PXYLP1: variants seen among roughly 807,000 people sequenced by gnomAD.
PXYLP1 encodes acid phosphatase-like 2.
PXYLP1 carries 17 observed loss-of-function variants against 37.9 expected under a neutral mutation model. The observed-to-expected ratio is 0.45, with a 90% CI of 0.31 to 0.67. The LOEUF (loss-of-function observed/expected upper bound fraction) is 0.67, where lower values mean the gene tolerates loss of function less well. Ranked by LOEUF, PXYLP1 falls within the 30% of genes least tolerant of loss-of-function variation. PXYLP1 has a pLI of 0.07. For synonymous variants in PXYLP1, 221 were observed against 232.2 expected, an observed-to-expected ratio of 0.95 and a Z score of 0.44; for missense variants, 511 against 612.0, an observed-to-expected ratio of 0.84 and a Z score of 1.74.
chr3:141,260,285 G>A (rs371104231), intron 2 of PXYLP1, 31 bp downstream of exon 2: 3 of 1,608,212 alleles, frequency 1.9e-6, no homozygotes, highest in Non-Finnish European at 1.7e-6. Context: ...CAGGTCGTGG[G>A]AGGGTAGGGG....
intron 4 of PXYLP1, among the ~76,000 whole-genome samples, chr3:141,285,395 GC>G (rs1473541592): frequency 6.6e-6 from 1 of 151,558 alleles, no homozygotes; most frequent in African/African-American, 2.4e-5. Context: ...TCCCACCTCG[GC>G]CTCCCAAAAT....
In PXYLP1 at chr3:141,294,187, C is replaced by T. The variant is rs1349093099; in HGVS notation, c.*982C>T. On this transcript the variant is annotated 3_prime_UTR_variant, in exon 6 of 6. Coordinates refer to ENST00000286353, the MANE Select transcript of PXYLP1 (RefSeq NM_001037172.3). ...TTTTTATAGTTTAGGAAAATATTTTCTAAGACCAGTTTTAGATGACTCTTA... is the reference window on the plus strand; with the variant it reads ...TTTTTATAGTTTAGGAAAATATTTTTTAAGACCAGTTTTAGATGACTCTTA... 2.0e-5 allele frequency: 3 copies of T among 152,288 alleles called. No individual in the cohort carries two copies. The East Asian group carries it at 5.8e-4, about 29-fold the overall frequency. 9.4% of individuals were successfully genotyped at this position (152,288 alleles called of 1,614,324 possible).
intron 5 of PXYLP1, 52 bp downstream of exon 5, chr3:141,287,505 GC>G: frequency 6.3e-7 from 1 of 1,589,442 alleles, no homozygotes; most frequent in Non-Finnish European, 8.6e-7. Context: ...TCTTCTGCTT[GC>G]ATACCTTCCG....
rs758837854 is a variant in PXYLP1 at position 141,292,243 on chromosome 3, T to C, written c.506-25T>C. On this transcript the variant is annotated intron_variant, in intron 5 of 5. Transcript: ENST00000286353. The surrounding 1 kb of genome is among the most constrained non-coding windows in gnomAD (Gnocchi z 4.3). ...TTCTTTTGCTCAGCTGGAAGTAAGG[T>C]AAGCTTTGTGTGCTTGTGTTTCAGG... 1.3e-6 allele frequency: 2 copies of C among 1,555,962 alleles called. No homozygotes were observed. Among genetic ancestry groups the C allele is most frequent in the Admixed American group, 1.9e-5 (1 of 52,276 alleles).
intron 1 of PXYLP1, among the ~76,000 whole-genome samples, chr3:141,241,247 C>G (rs576910551): frequency 6.6e-6 from 1 of 152,294 alleles, no homozygotes; most frequent in Admixed American, 6.5e-5. Context: ...TTTAGTTTGT[C>G]GTAGGTTTCT....
In PXYLP1 at chr3:141,260,266, C is replaced by T. The variant is rs751685769; in HGVS notation, c.79+12C>T. 8.1e-6 allele frequency: 13 copies of T among 1,611,690 alleles called. No homozygotes were observed. Among genetic ancestry groups the T allele is most frequent in the Non-Finnish European group, 1.0e-5 (12 of 1,180,000 alleles). ...CAGCCTGCAGTTCTGTGAGTAGAGC[C>T]GGGCCCCGCAGGTCGTGGGAGGGTA... On this transcript the variant is annotated intron_variant, in intron 2 of 5. Transcript: ENST00000286353.
chr3:141,251,052 A>T (rs1202562055), intron 1 of PXYLP1, among the ~76,000 whole-genome samples: 2 of 152,254 alleles, frequency 1.3e-5, no homozygotes. Context: ...ACGCCTGTGC[A>T]CTTACTCATT....
At chr3:141,236,029 A>G (rs891781756) in intron 1 of PXYLP1, among the ~76,000 whole-genome samples, 3 of 152,156 alleles carry the variant, frequency 2.0e-5, no homozygotes, top group Admixed American at 6.5e-5. Context: ...GAAGAACTGG[A>G]TGGCGGCTTG....
At chr3:141,256,381 A>G (rs1941262791) in intron 1 of PXYLP1, among the ~76,000 whole-genome samples, 1 of 152,208 alleles carries the variant, frequency 6.6e-6, no homozygotes, top group African/African-American at 2.4e-5. Context: ...AGATCTGCCT[A>G]TCTTTGGAGC....
intron 1 of PXYLP1, among the ~76,000 whole-genome samples, chr3:141,247,274 G>C (rs1357978100): frequency 6.6e-6 from 1 of 152,264 alleles, no homozygotes; most frequent in Non-Finnish European, 1.5e-5. Flanking sequence ...GCCATGGGCA[G>C]TATTTGGTTG....
intron 1 of PXYLP1, among the ~76,000 whole-genome samples, chr3:141,236,702 A>G (rs571801326): frequency 7.9e-5 from 12 of 152,228 alleles, no homozygotes; most frequent in Non-Finnish European, 8.8e-5. Flanking sequence ...AGGAGAATCT[A>G]GTTAGAATTA....
intron 4 of PXYLP1, among the ~76,000 whole-genome samples, chr3:141,280,724 A>G (rs1576602696): frequency 6.6e-6 from 1 of 152,164 alleles, no homozygotes; most frequent in African/African-American, 2.4e-5. Flanking sequence ...CACGAGCAAT[A>G]CCTGCTGTCT....
chr3:141,240,022 T>C (rs1444821860), intron 1 of PXYLP1, among the ~76,000 whole-genome samples: 1 of 152,244 alleles, frequency 6.6e-6, no homozygotes, highest in East Asian at 1.9e-4. Flanking sequence ...AAGCCCTGGC[T>C]TAGTGGCTTA....
At position 141,293,474 on chromosome 3, in the gene PXYLP1, A is replaced by C; in HGVS notation, c.*269A>C. On this transcript the variant is annotated 3_prime_UTR_variant, in exon 6 of 6. Transcript: ENST00000286353. ...TTCGCTTAGAATGCCAGAATAATATAGTTCAAGACCTGAAGTTGCCAATCC... is the reference window on the plus strand; with the variant it reads ...TTCGCTTAGAATGCCAGAATAATATCGTTCAAGACCTGAAGTTGCCAATCC... 2.3e-6 allele frequency: 1 copy of C among 439,816 alleles called. No individual in the cohort carries two copies. The highest frequency in any genetic ancestry group is 4.0e-6 in the Non-Finnish European group (1 of 247,424). The allele number at this position is 439,816 out of a possible 1,614,324, so 27.2% of individuals were successfully genotyped here.
At chr3:141,291,255 A>G (rs1449952853) in intron 5 of PXYLP1, among the ~76,000 whole-genome samples, 1 of 151,426 alleles carries the variant, frequency 6.6e-6, no homozygotes, top group African/African-American at 2.4e-5. Flanking sequence ...ACTCATGCCC[A>G]TGACAGATTG....
At chr3:141,242,141 G>A (rs1301204224) in intron 1 of PXYLP1, among the ~76,000 whole-genome samples, 1 of 152,174 alleles carries the variant, frequency 6.6e-6, no homozygotes, top group Non-Finnish European at 1.5e-5. Context: ...TTATACCAAT[G>A]CTTCTGGCTA....
In PXYLP1 at chr3:141,250,231, A is replaced by G. The variant is rs1412073783; in HGVS notation, c.-53-9892A>G. 2.0e-5 allele frequency among the ~76,000 whole-genome samples: 3 copies of G among 152,384 alleles called. No individual in the cohort carries two copies. The South Asian group carries it at 6.2e-4, about 32-fold the overall frequency. ...TGTCTCTGCTGAATTACACCTGAGC[A>G]AACCAGCACTGATGTTTTTAAACAT... On this transcript the variant is annotated intron_variant, in intron 1 of 5. Transcript: ENST00000286353.
At chr3:141,246,353 G>C (rs566999057) in intron 1 of PXYLP1, among the ~76,000 whole-genome samples, 47 of 152,280 alleles carry the variant, frequency 3.1e-4, no homozygotes, top group African/African-American at 1.1e-3. Flanking sequence ...TTTCACCATG[G>C]TCATTTGATT....
intron 5 of PXYLP1, among the ~76,000 whole-genome samples, chr3:141,288,760 G>A (rs55964533): frequency 0.034 from 5,239 of 152,216 alleles, 151 homozygotes; most frequent in South Asian, 0.095. Context: ...GCCAAGTGTG[G>A]TGGCATGTGC....
Sources: allele counts gnomAD v4.1 joint callset (sites outside exome capture counted in the v4.1 genomes callset), GRCh38; gene constraint gnomAD v4.1.1; non-coding constraint Gnocchi (gnomAD v3.1); transcripts MANE v1.5; gene names NCBI Gene and HGNC (gene_info 2026-07-23, HGNC 2026-07-21).